NCMAP: variants seen among roughly 807,000 people sequenced by gnomAD.
The protein encoded by NCMAP is noncompact myelin-associated protein.
NCMAP carries 8 observed loss-of-function variants against 7.8 expected under a neutral mutation model. That is an observed-to-expected ratio of 1.02 (90% CI 0.60 to 1.84). The LOEUF is 1.84. Among genes scored for constraint, NCMAP ranks in the 40% most tolerant of loss-of-function variants. The probability of loss-of-function intolerance (pLI) is 0.00; values close to 1 mark genes in which losing one functional copy is unlikely to be tolerated. For synonymous variants in NCMAP, 41 were observed against 52.9 expected (o/e 0.78, Z 0.98); for missense variants, 112 against 131.4 (o/e 0.85, Z 0.72).
chr1:24,594,975 T>C lies in NCMAP; in HGVS notation c.-7-449T>C, dbSNP rs558864196. Among the ~76,000 whole-genome samples, 112 of 152,298 alleles carry C rather than the reference T, an allele frequency of 7.4e-4. 1 individual carries two copies. In the South Asian group the frequency reaches 0.012, roughly 17 times the overall value. On this transcript the variant is annotated intron_variant, in intron 1 of 3. Coordinates refer to ENST00000374392, the MANE Select transcript of NCMAP (RefSeq NM_001010980.5). Reference sequence around the variant, plus strand: ...TTGCCTCCTCATATAGTAAAGCCTTTGAAAGTAGGAATGCCAGTTCAAGTG... The same window carrying C: ...TTGCCTCCTCATATAGTAAAGCCTTCGAAAGTAGGAATGCCAGTTCAAGTG...
chr1:24,599,195 G>T (rs554688574), intron 2 of NCMAP, among the ~76,000 whole-genome samples: 140 of 148,692 alleles, frequency 9.4e-4, no homozygotes, highest in Non-Finnish European at 1.8e-3. Flanking sequence ...CAGGAGAATC[G>T]ATTGAACCCG....
chr1:24,589,065 C>T (rs1453509794), intron 1 of NCMAP, among the ~76,000 whole-genome samples: 1 of 152,202 alleles, frequency 6.6e-6, no homozygotes, highest in Non-Finnish European at 1.5e-5. Flanking sequence ...TTCTTCTCTG[C>T]TCCAAGCCTC....
intron 1 of NCMAP, among the ~76,000 whole-genome samples, chr1:24,590,918 C>G (rs1051703794): frequency 2.6e-5 from 4 of 152,164 alleles, no homozygotes; most frequent in Admixed American, 1.3e-4. Context: ...AAACACTTTC[C>G]ATACCCCACT....
intron 1 of NCMAP, among the ~76,000 whole-genome samples, chr1:24,585,125 C>T (rs1408341856): frequency 6.6e-6 from 1 of 152,072 alleles, no homozygotes; most frequent in Non-Finnish European, 1.5e-5. Flanking sequence ...CAGGGGAGCA[C>T]ACGGCAGAAT....
rs916635120 is a variant in NCMAP at position 24,568,677 on chromosome 1, T to G, written c.-8+12508T>G. Among the ~76,000 whole-genome samples, 4 of 152,300 alleles carry G rather than the reference T, an allele frequency of 2.6e-5. No individual in the cohort carries two copies. The East Asian group carries it at 5.8e-4, about 22-fold the overall frequency. Reference sequence around the variant, plus strand: ...GAAGGCACAGAGAGGTTAAGTAACTTTCTAAAGGCCACCCAGCCGAGCCAG... The same window carrying G: ...GAAGGCACAGAGAGGTTAAGTAACTGTCTAAAGGCCACCCAGCCGAGCCAG... On this transcript the variant is annotated intron_variant, in intron 1 of 3. Coordinates refer to ENST00000374392, the MANE Select transcript of NCMAP (RefSeq NM_001010980.5).
intron 2 of NCMAP, among the ~76,000 whole-genome samples, chr1:24,597,706 A>T (rs1409640211): frequency 3.9e-5 from 6 of 151,918 alleles, no homozygotes; most frequent in African/African-American, 1.5e-4. Context: ...GAAAGAAGGA[A>T]AGATTGGTTG....
rs41268773 is a variant in NCMAP, at chr1:24,608,953, G to C, written c.*3206G>C. 35,310 of 152,130 alleles carry C rather than the reference G, an allele frequency of 0.23. 4,264 individuals are homozygous for C. The highest frequency in any genetic ancestry group is 0.26 in the Non-Finnish European group (17,821 of 68,016). 9.4% of individuals were successfully genotyped at this position (152,130 alleles called of 1,614,324 possible). ...CTGCCCACAGTGCAGTCTTCTAAGG[G>C]TTACCCTCTGGTATATGTTCTTTTG... On this transcript the variant is annotated 3_prime_UTR_variant, in exon 4 of 4. Coordinates refer to ENST00000374392, the MANE Select transcript of NCMAP (RefSeq NM_001010980.5).
intron 1 of NCMAP, among the ~76,000 whole-genome samples, chr1:24,592,273 C>G (rs1455450677): frequency 6.6e-6 from 1 of 152,038 alleles, no homozygotes; most frequent in Non-Finnish European, 1.5e-5. Flanking sequence ...TTTTTTGAGC[C>G]CCAGAATCAT....
chr1:24,595,503 C>T lies in NCMAP; in HGVS notation c.73C>T (p.Leu25=), dbSNP rs754561902. The T allele has an allele frequency of 1.9e-6, 3 of 1,612,988 alleles. No homozygotes were observed. In the Admixed American group the frequency reaches 5.0e-5, roughly 27 times the overall value. The stretch of plus-strand genomic sequence containing the variant: ...CATGACCACCAGGGGAGAAGACTTC[C>T]TGTATAAGAGTAAGGTCAAATTCGC... ...LNMTTRGEDF[L]YKSSGAIVAA... The change falls in exon 2 of 4, where the codon CTG becomes TTG. Residue 25 remains leucine, a synonymous_variant. Transcript: ENST00000374392.
At chr1:24,599,318 G>A (rs1274371333) in intron 2 of NCMAP, among the ~76,000 whole-genome samples, 1 of 150,250 alleles carries the variant, frequency 6.7e-6, no homozygotes, top group African/African-American at 2.4e-5. Context: ...AATTAAAATT[G>A]GAGTGTGACA....
intron 1 of NCMAP, among the ~76,000 whole-genome samples, chr1:24,579,259 T>G (rs1305730943): frequency 6.6e-6 from 1 of 152,076 alleles, no homozygotes; most frequent in Non-Finnish European, 1.5e-5. Context: ...CCTGTTCTTG[T>G]TTTATAGATG....
At position 24,608,200 on chromosome 1, in the gene NCMAP, A is replaced by G. The variant is rs1652824874; in HGVS notation, c.*2453A>G. On this transcript the variant is annotated 3_prime_UTR_variant, in exon 4 of 4. Coordinates refer to ENST00000374392, the MANE Select transcript of NCMAP (RefSeq NM_001010980.5). ...AGTACTTTTCCAAAGTCACACAGCT[A>G]GTAAGTCACAAAGACAAGACTCAAA... 1 of 152,246 alleles carries G rather than the reference A, an allele frequency of 6.6e-6. No homozygotes were observed. Among genetic ancestry groups the G allele is most frequent in the African/African-American group, 2.4e-5 (1 of 41,466 alleles). 9.4% of individuals were successfully genotyped at this position (152,246 alleles called of 1,614,324 possible).
At chr1:24,577,418 T>TTTTTTTG (rs1557596584) in intron 1 of NCMAP, among the ~76,000 whole-genome samples, 2 of 146,738 alleles carry the variant, frequency 1.4e-5, no homozygotes, top group African/African-American at 5.0e-5. Context: ...TTTTTTTTTT[T>TTTTTTTG]TTTTTTTTTT....
At chr1:24,559,393 AGGC>A (rs946597166) in intron 1 of NCMAP, among the ~76,000 whole-genome samples, 1 of 152,110 alleles carries the variant, frequency 6.6e-6, no homozygotes, top group Non-Finnish European at 1.5e-5. Context: ...GGTGGGCAGG[AGGC>A]GGCAGGAAGA....
At chr1:24,596,883 A>G (rs1160895255) in intron 2 of NCMAP, among the ~76,000 whole-genome samples, 1 of 152,172 alleles carries the variant, frequency 6.6e-6, no homozygotes, top group Non-Finnish European at 1.5e-5. Context: ...TTGATGGTAT[A>G]AGGAGACGCT....
At chr1:24,599,833 C>A (rs1231540234) in intron 2 of NCMAP, among the ~76,000 whole-genome samples, 14 of 89,298 alleles carry the variant, frequency 1.6e-4, no homozygotes, top group African/African-American at 2.9e-4. Context: ...CCCCCCCCCC[C>A]CCCCCCTTGG....
chr1:24,601,957 C>T (rs1443114755), intron 3 of NCMAP, among the ~76,000 whole-genome samples: 4 of 151,654 alleles, frequency 2.6e-5, no homozygotes, highest in East Asian at 1.9e-4. Context: ...AGGAGAATGG[C>T]GTGAACCTGG....
At chr1:24,562,186 C>G (rs1165544900) in intron 1 of NCMAP, among the ~76,000 whole-genome samples, 1 of 152,168 alleles carries the variant, frequency 6.6e-6, no homozygotes, top group Non-Finnish European at 1.5e-5. Flanking sequence ...CTAAGCAGCT[C>G]CAAGTTCCTA....
chr1:24,566,959 TAC>T (rs1395510797), intron 1 of NCMAP, among the ~76,000 whole-genome samples: 1 of 152,142 alleles, frequency 6.6e-6, no homozygotes, highest in Non-Finnish European at 1.5e-5. Flanking sequence ...CCTGGTTTTT[TAC>T]TAGAAAAATA....
Sources: allele counts gnomAD v4.1 joint callset (sites outside exome capture counted in the v4.1 genomes callset), GRCh38; gene constraint gnomAD v4.1.1; transcripts MANE v1.5; gene names NCBI Gene and HGNC (gene_info 2026-07-23, HGNC 2026-07-21).